TRIM37: variants seen among roughly 807,000 people sequenced by gnomAD.
TRIM37 encodes tripartite motif containing 37.
TRIM37 carries 80 observed loss-of-function variants against 129.8 expected under a neutral mutation model. The ratio of observed to expected loss-of-function variants is 0.62; its 90% CI spans 0.51 to 0.74. TRIM37 has a LOEUF of 0.74. Among genes scored for constraint, TRIM37 ranks in the 30% least tolerant of loss-of-function variants. TRIM37 has a pLI of 0.00. For missense variants in TRIM37, 1,054 were observed against 1,176.5 expected, an observed-to-expected ratio of 0.90 and a Z score of 1.52; for synonymous variants, 389 against 387.1, an observed-to-expected ratio of 1.00 and a Z score of -0.06.
intron 17 of TRIM37, among the ~76,000 whole-genome samples, chr17:59,038,822 C>G (rs1181905486): frequency 6.6e-6 from 1 of 152,164 alleles, no homozygotes; most frequent in Non-Finnish European, 1.5e-5. Context: ...CTAACTGCAA[C>G]AGAATTTCTT....
At chr17:58,969,664 T>C in the TRIM37 span, 4 of 1,614,190 alleles carry the variant, frequency 2.5e-6, no homozygotes, top group South Asian at 4.4e-5. Flanking sequence ...ATGATCCTGC[T>C]GAGGCCCTGT....
intron 22 of TRIM37, among the ~76,000 whole-genome samples, chr17:59,003,849 G>C (rs897322025): frequency 1.3e-5 from 2 of 150,762 alleles, no homozygotes; most frequent in African/African-American, 4.9e-5. Context: ...TACTTGAAAG[G>C]CTGAGGCAGG....
At chr17:59,028,839 TCAA>T in intron 18 of TRIM37, 116 bp from the exon 19 acceptor site, 1 of 1,047,474 alleles carries the variant, frequency 9.5e-7, no homozygotes, top group East Asian at 2.5e-5. Flanking sequence ...TTACGTGGTA[TCAA>T]CAATAAAACA....
intron 1 of TRIM37, among the ~76,000 whole-genome samples, chr17:59,105,400 C>A (rs1477760482): frequency 6.6e-6 from 1 of 152,004 alleles, no homozygotes; most frequent in Non-Finnish European, 1.5e-5. Context: ...ACAACAACAA[C>A]AAAAATATGT....
chr17:59,061,277 G>T (rs992532772), intron 11 of TRIM37, among the ~76,000 whole-genome samples, 169 bp from the exon 12 acceptor site: 1 of 151,372 alleles, frequency 6.6e-6, no homozygotes, highest in Admixed American at 6.6e-5. Context: ...AAACTTTTGT[G>T]CATTAAAAAA....
chr17:59,053,395 A>G (rs1281345083), intron 13 of TRIM37, among the ~76,000 whole-genome samples: 1 of 152,234 alleles, frequency 6.6e-6, no homozygotes, highest in African/African-American at 2.4e-5. Context: ...CACAAACTTC[A>G]TAGCAATTTA....
chr17:58,994,537 T>C (rs2032780701), downstream of TRIM37, among the ~76,000 whole-genome samples: 1 of 152,200 alleles, frequency 6.6e-6, no homozygotes, highest in South Asian at 2.1e-4. Context: ...CAGTAAGCTA[T>C]GCACAGCTGC....
chr17:59,057,619 T>C lies in TRIM37; in HGVS notation c.1020-565A>G, dbSNP rs376524896. Among the ~76,000 whole-genome samples, 38 of 152,276 alleles carry C rather than the reference T, an allele frequency of 2.5e-4. No homozygotes were observed. In the South Asian group the frequency reaches 7.7e-3, roughly 31 times the overall value. Reference sequence around the variant, plus strand: ...GCTCACTGCAACCTCTGCCCCCCAGTTCAAGTGATTCTGCTGCCTCAGCCT... The same window carrying C: ...GCTCACTGCAACCTCTGCCCCCCAGCTCAAGTGATTCTGCTGCCTCAGCCT... On this transcript the variant is annotated intron_variant, in intron 12 of 23. Transcript: ENST00000262294.
At chr17:58,991,800 CAT>C (rs1369945497) in intron 24 of TRIM37, among the ~76,000 whole-genome samples, 1 of 152,176 alleles carries the variant, frequency 6.6e-6, no homozygotes, top group African/African-American at 2.4e-5. Context: ...CTGGAACTCT[CAT>C]GTGCTACTGA....
At chr17:59,057,550 G>A (rs2146381373) in intron 12 of TRIM37, among the ~76,000 whole-genome samples, 1 of 152,030 alleles carries the variant, frequency 6.6e-6, no homozygotes, top group Non-Finnish European at 1.5e-5. Context: ...TTGAGATAGA[G>A]TCTCACTCTG....
chr17:59,018,611 C>T (rs1444670150), intron 19 of TRIM37, among the ~76,000 whole-genome samples: 1 of 152,066 alleles, frequency 6.6e-6, no homozygotes, highest in Non-Finnish European at 1.5e-5. Flanking sequence ...GAGACAACAG[C>T]AAAGACATCC....
chr17:59,081,964 A>AATAATAAT (rs1555688978), intron 5 of TRIM37, among the ~76,000 whole-genome samples: 5 of 87,202 alleles, frequency 5.7e-5, no homozygotes, highest in Non-Finnish European at 8.6e-5. Flanking sequence ...AAAAAAAAAA[A>AATAATAAT]AATAATAATA....
intron 13 of TRIM37, among the ~76,000 whole-genome samples, chr17:59,051,863 T>G (rs80123713): frequency 0.36 from 54,259 of 151,474 alleles, 10,260 homozygotes; most frequent in East Asian, 0.54. Context: ...CCCAAGTAGC[T>G]GGGACTACAG....
At chr17:59,047,928 A>G (rs1599147263) in intron 15 of TRIM37, 109 bp from the exon 16 acceptor site, 1 of 1,342,664 alleles carries the variant, frequency 7.4e-7, no homozygotes. Flanking sequence ...GTTTTCAAAA[A>G]TCTATTTTCT....
intron 2 of TRIM37, among the ~76,000 whole-genome samples, chr17:59,093,193 T>C (rs2044555245): frequency 6.6e-6 from 1 of 152,058 alleles, no homozygotes; most frequent in Non-Finnish European, 1.5e-5. Flanking sequence ...TGGAAAAGGA[T>C]TCCTCCATTC....
downstream of TRIM37, chr17:58,981,415 G>C (rs2031350620): frequency 6.1e-6 from 1 of 163,148 alleles, no homozygotes; most frequent in South Asian, 1.9e-4. Flanking sequence ...GTTGAAATCT[G>C]GTCTGATGTG....
At chr17:59,092,078 G>A (rs1027211423) in intron 2 of TRIM37, among the ~76,000 whole-genome samples, 2 of 151,734 alleles carry the variant, frequency 1.3e-5, no homozygotes, top group Admixed American at 6.6e-5. Context: ...AAGCAATACA[G>A]CACAACTTTT....
Position 58,987,513 on chromosome 17 carries a change from C to T in TRIM37, c.2892-4592G>A, listed in dbSNP as rs2031928874. 5.3e-5 allele frequency among the ~76,000 whole-genome samples: 8 copies of T among 152,170 alleles called. No homozygotes were observed. The South Asian group carries it at 1.7e-3, about 32-fold the overall frequency. On this transcript the variant is annotated intron_variant, in intron 24 of 24. Transcript: ENST00000393066. ...AGAGAAAAGGATTTTAGAAAGAGAG[C>T]AGCCCGTACTACTGATGTCCCAAAC...
At chr17:58,973,188 C>A in the TRIM37 span, among the ~76,000 whole-genome samples, 1 of 150,468 alleles carries the variant, frequency 6.6e-6, no homozygotes, top group African/African-American at 2.4e-5. Flanking sequence ...GAGGCCGAGG[C>A]GGGTGTATCA....
Sources: gnomAD v4.1 joint callset for allele counts (sites outside exome capture counted in the v4.1 genomes callset) on GRCh38, gnomAD v4.1.1 for gene constraint, MANE v1.5 for transcripts, NCBI Gene and HGNC (gene_info 2026-07-23, HGNC 2026-07-21) for gene names.